KIF2A: variants seen among roughly 807,000 people sequenced by gnomAD.
KIF2A encodes the protein kinesin-like protein KIF2A.
A neutral mutation model predicts 100.2 loss-of-function variants in KIF2A; 22 were observed. The observed-to-expected ratio is 0.22, with a 90% CI of 0.16 to 0.31. KIF2A has a LOEUF of 0.31. Among genes scored for constraint, KIF2A ranks in the 10% least tolerant of loss-of-function variants. The probability of loss-of-function intolerance (pLI) is 1.00; values close to 1 mark genes in which losing one functional copy is unlikely to be tolerated. For synonymous variants in KIF2A, 268 were observed against 285.9 expected (o/e 0.94, Z 0.63); for missense variants, 495 against 898.7 (o/e 0.55, Z 5.74).
At chr5:62,308,393 TG>T in intron 1 of KIF2A, 1 of 1,412,798 alleles carries the variant, frequency 7.1e-7, no homozygotes, top group Non-Finnish European at 9.6e-7. Flanking sequence ...CACCTGTCCC[TG>T]GTATACACCC....
rs565523839 is a variant in KIF2A at position 62,359,785 on chromosome 5, T to C, written c.873-1457T>C. Among the ~76,000 whole-genome samples the C allele has an allele frequency of 2.6e-5, 4 of 152,284 alleles. No homozygotes were observed. The South Asian group carries it at 8.3e-4, about 32-fold the overall frequency. ...CTCTATCTCTTATACTTAACTATTA[T>C]GGATTGAGGAGTTACATGTTTTTTT... On this transcript the variant is annotated intron_variant, in intron 9 of 20. Transcript: ENST00000407818.
At chr5:62,336,612 G>A (rs1158768825) in intron 1 of KIF2A, among the ~76,000 whole-genome samples, 1 of 152,162 alleles carries the variant, frequency 6.6e-6, no homozygotes, top group Non-Finnish European at 1.5e-5. Flanking sequence ...AAAACTACAT[G>A]TAAAAACTTG....
At chr5:62,307,498 T>G (rs911499457) in intron 1 of KIF2A, among the ~76,000 whole-genome samples, 4 of 152,180 alleles carry the variant, frequency 2.6e-5, no homozygotes, top group African/African-American at 9.7e-5. Context: ...TAATTCATAT[T>G]GTAAAGGAAT....
At chr5:62,356,251 T>C (rs1748100849) in intron 7 of KIF2A, among the ~76,000 whole-genome samples, 3 of 152,356 alleles carry the variant, frequency 2.0e-5, no homozygotes, top group South Asian at 4.1e-4. Context: ...ATCCCACATA[T>C]TTTAGGCCTT....
intron 1 of KIF2A, among the ~76,000 whole-genome samples, chr5:62,321,908 T>G (rs1204527323): frequency 6.6e-6 from 1 of 152,106 alleles, no homozygotes; most frequent in Non-Finnish European, 1.5e-5. Flanking sequence ...TTTGTTCACT[T>G]TATAATTTGG....
At chr5:62,353,017 T>G (rs1039597920) in intron 5 of KIF2A, 3 of 411,158 alleles carry the variant, frequency 7.3e-6, no homozygotes, top group African/African-American at 6.2e-5. Flanking sequence ...TTCTTTGAAT[T>G]AAAAAGTCTG....
chr5:62,340,841 A>G (rs1747258102), intron 1 of KIF2A, among the ~76,000 whole-genome samples: 1 of 152,188 alleles, frequency 6.6e-6, no homozygotes, highest in Non-Finnish European at 1.5e-5. Context: ...ATAATTTAAA[A>G]AGAGGTATTT....
chr5:62,335,981 C>G (rs1283724297), intron 1 of KIF2A, among the ~76,000 whole-genome samples: 1 of 152,164 alleles, frequency 6.6e-6, no homozygotes, highest in Non-Finnish European at 1.5e-5. Flanking sequence ...AATCTGACCT[C>G]ATTTTCTATG....
At position 62,308,570 on chromosome 5, in the gene KIF2A, A is replaced by G. The variant is rs1458902067; in HGVS notation, c.64+2034A>G. The G allele has an allele frequency of 2.3e-5, 16 of 702,138 alleles. 1 individual carries two copies. In the East Asian group the frequency reaches 3.2e-4, roughly 14 times the overall value. 43.5% of individuals were successfully genotyped at this position (702,138 alleles called of 1,614,324 possible). A position where few individuals can be genotyped will look rare whatever the true frequency, so the allele number is the denominator to read the frequency against. On this transcript the variant is annotated intron_variant, in intron 1 of 20. Transcript: ENST00000407818. The stretch of plus-strand genomic sequence containing the variant: ...TATACGTTTATGTGTGTGTATAGAC[A>G]ATGTACAATGGAACATTATTCAGCC...
intron 1 of KIF2A, among the ~76,000 whole-genome samples, chr5:62,318,273 G>A (rs1402346692): frequency 1.3e-5 from 2 of 152,110 alleles, no homozygotes; most frequent in African/African-American, 2.4e-5. Context: ...AGTAGAGATG[G>A]GGTTTCACTA....
At chr5:62,375,420 C>T (rs752017796) in intron 18 of KIF2A, among the ~76,000 whole-genome samples, 2 of 152,118 alleles carry the variant, frequency 1.3e-5, no homozygotes, top group Admixed American at 6.6e-5. Context: ...GTAGTGGGTA[C>T]TATAATTATC....
intron 1 of KIF2A, among the ~76,000 whole-genome samples, chr5:62,344,148 A>G (rs1747433439): frequency 6.6e-6 from 1 of 152,138 alleles, no homozygotes; most frequent in Non-Finnish European, 1.5e-5. Flanking sequence ...GATGGAGACC[A>G]TCCTGGCCAA....
intron 1 of KIF2A, among the ~76,000 whole-genome samples, chr5:62,321,443 A>G (rs963107990): frequency 2.0e-5 from 3 of 152,098 alleles, no homozygotes; most frequent in Admixed American, 2.0e-4. Flanking sequence ...CATCTTTTTT[A>G]TTATAGCCGT....
rs927814766 is a variant in KIF2A, at chr5:62,313,513, C to T, written c.64+6977C>T. On this transcript the variant is annotated intron_variant, in intron 1 of 20. Coordinates refer to ENST00000407818, the MANE Select transcript of KIF2A (RefSeq NM_001098511.3). ...GATTATAGGCATGCGCCAACATGCC[C>T]GGCTAATTTTTTTGTATTTTTAGTA... Among the ~76,000 whole-genome samples, 8 of 152,184 alleles carry T rather than the reference C, an allele frequency of 5.3e-5. No individual in the cohort carries two copies. The South Asian group carries it at 6.2e-4, about 12-fold the overall frequency.
chr5:62,378,707 C>T (rs1741648677), intron 19 of KIF2A, among the ~76,000 whole-genome samples: 1 of 152,020 alleles, frequency 6.6e-6, no homozygotes, highest in Non-Finnish European at 1.5e-5. Flanking sequence ...CACTTGAGCC[C>T]AGGAATTCAA....
In KIF2A at chr5:62,380,663, T is replaced by TA. The variant is rs756489772; in HGVS notation, c.2014-454dup. Among the ~76,000 whole-genome samples, 41 of 152,346 alleles carry TA rather than the reference T, an allele frequency of 2.7e-4. No homozygotes were observed. In the East Asian group the frequency reaches 4.6e-3, roughly 17 times the overall value. On this transcript the variant is annotated intron_variant, in intron 19 of 20. Coordinates refer to ENST00000407818, the MANE Select transcript of KIF2A (RefSeq NM_001098511.3). The stretch of plus-strand genomic sequence containing the variant: ...TTATATATGTGATATAAGGTATTCT[T>TA]ACCACAAAGTAAGCTAGAGAAAAGA...
intron 20 of KIF2A, among the ~76,000 whole-genome samples, chr5:62,385,019 G>A (rs928181345): frequency 1.3e-5 from 2 of 152,006 alleles, no homozygotes; most frequent in African/African-American, 4.8e-5. Flanking sequence ...GTGCACGCCT[G>A]TAATCCCAGC....
At chr5:62,345,249 G>T (rs905341570) in intron 1 of KIF2A, among the ~76,000 whole-genome samples, 2 of 152,096 alleles carry the variant, frequency 1.3e-5, no homozygotes, top group Non-Finnish European at 2.9e-5. Context: ...TTAGCCCATT[G>T]TGGTGGCACG....
chr5:62,359,310 A>G (rs1281673947), intron 9 of KIF2A, among the ~76,000 whole-genome samples: 1 of 152,138 alleles, frequency 6.6e-6, no homozygotes, highest in Non-Finnish European at 1.5e-5. Context: ...AATTGCTTGA[A>G]TACTATATCT....
Sources: gnomAD v4.1 joint callset for allele counts (sites outside exome capture counted in the v4.1 genomes callset) on GRCh38, gnomAD v4.1.1 for gene constraint, MANE v1.5 for transcripts, NCBI Gene and HGNC (gene_info 2026-07-23, HGNC 2026-07-21) for gene names.